The following MAP3K15 variants were observed in gnomAD, a reference collection of about 807,000 sequenced individuals.
The protein encoded by MAP3K15 is mitogen-activated protein kinase kinase kinase 15.
MAP3K15 carries 124 observed loss-of-function variants against 99.5 expected under a neutral mutation model. The observed-to-expected ratio is 1.25, with a 90% CI of 1.08 to 1.45. The LOEUF (loss-of-function observed/expected upper bound fraction) is 1.45, where lower values mean the gene tolerates loss of function less well. MAP3K15 is among the 40% of genes most tolerant of loss of function. The pLI is 0.00. For synonymous variants in MAP3K15, 494 were observed against 439.6 expected, an observed-to-expected ratio of 1.12 and a Z score of -1.55; for missense variants, 1,242 against 1,079.7, an observed-to-expected ratio of 1.15 and a Z score of -2.11.
chrX:19,488,060 G>A (rs1174604139), intron 2 of MAP3K15, among the ~76,000 whole-genome samples: 1 of 111,380 alleles, frequency 9.0e-6, no homozygotes, highest in East Asian at 2.8e-4. Flanking sequence ...TGCACTCAAG[G>A]CCGAGAAGCA....
At chrX:19,444,412 TGAG>T (rs1338689483) in intron 6 of MAP3K15, among the ~76,000 whole-genome samples, 4 of 111,657 alleles carry the variant, frequency 3.6e-5, no homozygotes, top group Non-Finnish European at 5.6e-5. Context: ...TGAGCTGCTG[TGAG>T]GAGAAGCCAA....
intron 3 of MAP3K15, among the ~76,000 whole-genome samples, chrX:19,467,228 C>T (rs901425739): frequency 9.0e-6 from 1 of 110,969 alleles, no homozygotes; most frequent in Non-Finnish European, 1.9e-5. Flanking sequence ...ACTGCTCCCC[C>T]GCCCCCACAC....
chrX:19,386,072 A>G (rs1340558800), intron 18 of MAP3K15, among the ~76,000 whole-genome samples: 2 of 112,078 alleles, frequency 1.8e-5, no homozygotes, highest in Non-Finnish European at 3.8e-5. Flanking sequence ...GCTAACCCAA[A>G]GGCTGGATTC....
At chrX:19,436,397 C>T (rs2063922273) in intron 6 of MAP3K15, among the ~76,000 whole-genome samples, 1 of 110,652 alleles carries the variant, frequency 9.0e-6, no homozygotes, top group Non-Finnish European at 1.9e-5. Context: ...CAGGACACCA[C>T]ACTCGCCCGA....
chrX:19,370,194 T>C (rs939793959), intron 24 of MAP3K15, among the ~76,000 whole-genome samples: 10 of 111,531 alleles, frequency 9.0e-5, no homozygotes, highest in African/African-American at 3.3e-4. Context: ...AGAATCAACT[T>C]TGGTAACATT....
chrX:19,377,306 C>T (rs761422580), intron 19 of MAP3K15, among the ~76,000 whole-genome samples: 1 of 112,443 alleles, frequency 8.9e-6, no homozygotes, highest in African/African-American at 3.2e-5. Context: ...GTTATCCCAG[C>T]ACTTTGGGAC....
At chrX:19,413,137 C>CAT (rs2063702213) in intron 11 of MAP3K15, among the ~76,000 whole-genome samples, 1 of 109,095 alleles carries the variant, frequency 9.2e-6, no homozygotes, top group Non-Finnish European at 1.9e-5. Context: ...CACACACACA[C>CAT]ACACACTCCC....
At chrX:19,374,807 C>A in intron 19 of MAP3K15, 147 bp from the exon 20 acceptor site, 1 of 493,448 alleles carries the variant, frequency 2.0e-6, no homozygotes, top group Non-Finnish European at 3.3e-6. Context: ...CTTGTTCCTC[C>A]CACCCCAAGG....
At chrX:19,443,020 G>C (rs1249677833) in intron 6 of MAP3K15, among the ~76,000 whole-genome samples, 2 of 21,335 alleles carry the variant, frequency 9.4e-5, no homozygotes, top group Non-Finnish European at 2.1e-4. Flanking sequence ...CACCATGCCC[G>C]GCTTTTTTTT....
At chrX:19,392,552 T>G in intron 16 of MAP3K15, 79 bp from the exon 17 acceptor site, 5 of 970,045 alleles carry the variant, frequency 5.2e-6, no homozygotes, top group Non-Finnish European at 5.7e-6. Flanking sequence ...TGAGGTGAGG[T>G]TTCTAACCTA....
At chrX:19,455,652 G>A (rs777897733) in intron 6 of MAP3K15, among the ~76,000 whole-genome samples, 44 of 106,142 alleles carry the variant, frequency 4.1e-4, no homozygotes, top group African/African-American at 1.5e-3. Context: ...GAGCCACTGC[G>A]GCCGGCCCCA....
In MAP3K15 at chrX:19,411,553, C is replaced by T. The variant is rs139296726; in HGVS notation, c.1699-1580G>A. Among the ~76,000 whole-genome samples, 700 of 111,569 alleles carry T rather than the reference C, an allele frequency of 6.3e-3. 2 individuals carry two copies. Among genetic ancestry groups the T allele is most frequent in the African/African-American group, 0.022 (661 of 30,707 alleles). ...AATAGTAAAATCATACCATGGGGGG[C>T]GGTGAAAAGTGTTATGAAGACAAAT... is the stretch of plus-strand genomic sequence containing the variant. On this transcript the variant is annotated intron_variant, in intron 11 of 28. Transcript: ENST00000338883.
chrX:19,424,253 T>TACACACATATATAC (rs1209761195), intron 9 of MAP3K15, among the ~76,000 whole-genome samples: 3 of 105,401 alleles, frequency 2.8e-5, no homozygotes, highest in African/African-American at 1.1e-4. Context: ...TACATATATA[T>TACACACATATATAC]ACACATATAT....
intron 3 of MAP3K15, among the ~76,000 whole-genome samples, chrX:19,473,892 T>C (rs1050847551): frequency 3.6e-5 from 4 of 112,295 alleles, no homozygotes; most frequent in African/African-American, 9.7e-5. Flanking sequence ...TAATTTTAAA[T>C]GCCTGCCTAA....
chrX:19,481,101 G>A (rs1167972539), intron 3 of MAP3K15, among the ~76,000 whole-genome samples: 2 of 74,184 alleles, frequency 2.7e-5, no homozygotes, highest in African/African-American at 1.4e-4. Context: ...GGGTGACAGA[G>A]CGAGAACTTG....
intron 25 of MAP3K15, among the ~76,000 whole-genome samples, chrX:19,366,474 C>T (rs907256979): frequency 9.0e-6 from 1 of 111,711 alleles, no homozygotes; most frequent in African/African-American, 3.3e-5. Flanking sequence ...CCCATAATTC[C>T]CTTGTGTTGT....
Position 19,425,814 on chromosome X carries a change from C to A in MAP3K15, c.1280-124G>T, listed in dbSNP as rs988372338. The A allele has an allele frequency of 1.2e-4, 81 of 681,885 alleles. No homozygotes were observed. The Admixed American group carries it at 2.9e-3, about 24-fold the overall frequency. The allele number at this position is 681,885 out of a possible 1,213,427, so 56.2% of individuals were successfully genotyped here. The stretch of plus-strand genomic sequence containing the variant: ...GCTATAGGAAAAGTAACTGATTGTT[C>A]CTTTTGAAATATAATTCTAGTAGTA... On this transcript the variant is annotated intron_variant, in intron 8 of 28. Transcript: ENST00000338883.
chrX:19,367,724 T>C (rs955020050), intron 25 of MAP3K15, among the ~76,000 whole-genome samples: 9 of 29,774 alleles, frequency 3.0e-4, no homozygotes, highest in African/African-American at 3.0e-3. Context: ...TAACTATGGA[T>C]TTTTTTTTTT....
In MAP3K15 at chrX:19,387,368, T is replaced by C. The variant is rs141176497; in HGVS notation, c.2431+4634A>G. 4.7e-3 allele frequency among the ~76,000 whole-genome samples: 530 copies of C among 111,765 alleles called. 7 individuals carry two copies. The highest frequency in any genetic ancestry group is 0.037 in the Admixed American group (384 of 10,513). The stretch of plus-strand genomic sequence containing the variant: ...TACAGAAATACTGCCTTAGGGTTTA[T>C]CTTTTATTTGTATTATTTATTTGAT... On this transcript the variant is annotated intron_variant, in intron 18 of 28. Coordinates refer to ENST00000338883, the MANE Select transcript of MAP3K15 (RefSeq NM_001001671.4).
Sources: gnomAD v4.1 joint callset for allele counts (sites outside exome capture counted in the v4.1 genomes callset) on GRCh38, gnomAD v4.1.1 for gene constraint, MANE v1.5 for transcripts, NCBI Gene and HGNC (gene_info 2026-07-23, HGNC 2026-07-21) for gene names.